The following PAPOLG variants were observed in gnomAD, a reference collection of about 807,000 sequenced individuals.
PAPOLG encodes PAP-gamma.
A neutral mutation model predicts 99.0 loss-of-function variants in PAPOLG; 40 were observed. The ratio of observed to expected loss-of-function variants is 0.40; its 90% CI spans 0.31 to 0.53. The LOEUF (loss-of-function observed/expected upper bound fraction) is 0.53, where lower values mean the gene tolerates loss of function less well. Ranked by LOEUF, PAPOLG falls within the 20% of genes least tolerant of loss-of-function variation. The probability of loss-of-function intolerance (pLI) is 0.41; values close to 1 mark genes in which losing one functional copy is unlikely to be tolerated. For synonymous variants in PAPOLG, 310 were observed against 299.3 expected (o/e 1.04, Z -0.37); for missense variants, 675 against 884.1 (o/e 0.76, Z 3.00).
At chr2:60,773,519 TA>T (rs1670919168) in intron 7 of PAPOLG, among the ~76,000 whole-genome samples, 1 of 152,222 alleles carries the variant, frequency 6.6e-6, no homozygotes, top group Non-Finnish European at 1.5e-5. Flanking sequence ...GTATGGAATC[TA>T]AAATCATATC....
chr2:60,781,218 G>A (rs1485562802), intron 10 of PAPOLG, among the ~76,000 whole-genome samples: 8 of 152,060 alleles, frequency 5.3e-5, no homozygotes, highest in South Asian at 2.1e-4. Context: ...TTAGCCGGGC[G>A]TGGTGGTGCA....
At chr2:60,763,412 C>T (rs997958063) in intron 3 of PAPOLG, among the ~76,000 whole-genome samples, 1 of 151,868 alleles carries the variant, frequency 6.6e-6, no homozygotes, top group Non-Finnish European at 1.5e-5. Flanking sequence ...ATGGCTTTTT[C>T]CCCCCAGTAT....
Position 60,756,317 on chromosome 2 carries a change from G to GT in PAPOLG, c.-158dup. Reference sequence around the variant, plus strand: ...TCATAAATAGAGCCGGTTTTGTGGTGTTTTCACTACTCGGTTGGATGCCTC... The same window carrying GT: ...TCATAAATAGAGCCGGTTTTGTGGTGTTTTTCACTACTCGGTTGGATGCCTC... On this transcript the variant is annotated 5_prime_UTR_variant, in exon 1 of 22. Coordinates refer to ENST00000238714, the MANE Select transcript of PAPOLG (RefSeq NM_022894.4). 1 of 838,052 alleles carries GT rather than the reference G, an allele frequency of 1.2e-6. No individual in the cohort carries two copies. The highest frequency in any genetic ancestry group is 2.1e-5 in the Admixed American group (1 of 47,040). The allele number at this position is 838,052 out of a possible 1,614,324, so 51.9% of individuals were successfully genotyped here.
At chr2:60,764,028 C>A (rs1670599332) in intron 3 of PAPOLG, among the ~76,000 whole-genome samples, 1 of 152,186 alleles carries the variant, frequency 6.6e-6, no homozygotes, top group African/African-American at 2.4e-5. Context: ...GTCTCGAACT[C>A]CTGACCTCAA....
intron 5 of PAPOLG, among the ~76,000 whole-genome samples, chr2:60,769,570 G>A (rs1249720670): frequency 6.6e-6 from 1 of 152,098 alleles, no homozygotes; most frequent in African/African-American, 2.4e-5. Context: ...GGGAGTTAAG[G>A]AAGACTCAGA....
At chr2:60,775,294 A>G (rs1317679767) in intron 8 of PAPOLG, among the ~76,000 whole-genome samples, 171 bp downstream of exon 8, 1 of 152,206 alleles carries the variant, frequency 6.6e-6, no homozygotes, top group African/African-American at 2.4e-5. Flanking sequence ...GTGTTTTGAT[A>G]AGTAGTATAC....
chr2:60,793,924 A>G lies in PAPOLG; in HGVS notation c.1769-47A>G, dbSNP rs76732093. 4.8e-5 allele frequency: 75 copies of G among 1,568,620 alleles called. No individual in the cohort carries two copies. The East Asian group carries it at 1.6e-3, about 34-fold the overall frequency. ...GAGAGACCCTGTCTCAAGGAAAAAA[A>G]AATTACATAAATGTTTAATTATTAA... On this transcript the variant is annotated intron_variant, in intron 18 of 21. Transcript: ENST00000238714.
chr2:60,768,648 C>G lies in PAPOLG; in HGVS notation c.328+97C>G, dbSNP rs1380392248. 2.6e-5 allele frequency: 34 copies of G among 1,332,400 alleles called. No homozygotes were observed. The Admixed American group carries it at 2.6e-4, about 10-fold the overall frequency. 82.5% of individuals were successfully genotyped at this position (1,332,400 alleles called of 1,614,324 possible). ...GAACAAAGTTCCCACTATTTCACTA[C>G]TTAGAGCTAATCATTGTTAACATTT... On this transcript the variant is annotated intron_variant, in intron 4 of 21. Transcript: ENST00000238714.
chr2:60,783,324 C>CCT, intron 13 of PAPOLG, 115 bp downstream of exon 13: 1 of 157,946 alleles, frequency 6.3e-6, no homozygotes, highest in Non-Finnish European at 1.1e-5. Flanking sequence ...TATTATATCT[C>CCT]TTTTTTTTTT....
intron 3 of PAPOLG, among the ~76,000 whole-genome samples, chr2:60,762,213 T>C (rs908262903): frequency 6.6e-6 from 1 of 152,170 alleles, no homozygotes; most frequent in Non-Finnish European, 1.5e-5. Flanking sequence ...CTGTTTTCTT[T>C]GCAAGGTGAT....
chr2:60,801,023 G>A lies in PAPOLG; in HGVS notation c.*3863G>A, dbSNP rs1202983688. ...ATCTCAGATTTACAGATGGCCTCAT[G>A]ATAACTTAGATTCGTTAACAGGGTC... On this transcript the variant is annotated 3_prime_UTR_variant, in exon 22 of 22. Coordinates refer to ENST00000238714, the MANE Select transcript of PAPOLG (RefSeq NM_022894.4). The A allele has an allele frequency of 1.3e-5, 2 of 152,394 alleles. No homozygotes were observed. Among genetic ancestry groups the A allele is most frequent in the East Asian group, 3.8e-4 (2 of 5,330 alleles). The allele number at this position is 152,394 out of a possible 1,614,324, so 9.4% of individuals were successfully genotyped here. A position where few individuals can be genotyped will look rare whatever the true frequency, so the allele number is the denominator to read the frequency against.
At chr2:60,786,526 T>C (rs1316541352) in intron 13 of PAPOLG, among the ~76,000 whole-genome samples, 1 of 149,848 alleles carries the variant, frequency 6.7e-6, no homozygotes, top group Non-Finnish European at 1.5e-5. Flanking sequence ...CCACTGCACC[T>C]GGCCTGAAAT....
rs750014377 is a variant in PAPOLG at position 60,760,332 on chromosome 2, A to G, written c.179+37A>G. ...AAAACCATAAAATATTTGACAGTGCATTATTTAATCATTAATTCTGCGAAC... is the reference window on the plus strand; with the variant it reads ...AAAACCATAAAATATTTGACAGTGCGTTATTTAATCATTAATTCTGCGAAC... On this transcript the variant is annotated intron_variant, in intron 2 of 21. Transcript: ENST00000238714. 15 of 1,542,994 alleles carry G rather than the reference A, an allele frequency of 9.7e-6. 1 individual carries two copies. The South Asian group carries it at 1.7e-4, about 17-fold the overall frequency.
rs1050879376 is a variant in PAPOLG at position 60,776,237 on chromosome 2, TC to T, written c.694+1115del. Among the ~76,000 whole-genome samples, 18 of 151,912 alleles carry T rather than the reference TC, an allele frequency of 1.2e-4. 1 individual carries two copies. The highest frequency in any genetic ancestry group is 2.5e-4 in the Non-Finnish European group (17 of 67,988). ...AAGAGCAGTCCTACTTAGAAAGGAATCTTTTTTTTTTCTGAGCAGTAGATCT... is the reference window on the plus strand; with the variant it reads ...AAGAGCAGTCCTACTTAGAAAGGAATTTTTTTTTTTCTGAGCAGTAGATCT... On this transcript the variant is annotated intron_variant, in intron 8 of 21. Transcript: ENST00000238714.
chr2:60,790,008 C>T (rs1314875974), intron 15 of PAPOLG, among the ~76,000 whole-genome samples: 2 of 152,132 alleles, frequency 1.3e-5, no homozygotes, highest in Non-Finnish European at 2.9e-5. Context: ...GCAGGAGAAT[C>T]GCTTGAACCT....
At chr2:60,762,173 C>G (rs1670539119) in intron 3 of PAPOLG, among the ~76,000 whole-genome samples, 1 of 152,124 alleles carries the variant, frequency 6.6e-6, no homozygotes, top group South Asian at 2.1e-4. Flanking sequence ...GGGCTCCTGT[C>G]TTCCATTGCC....
intron 8 of PAPOLG, 150 bp downstream of exon 8, chr2:60,775,273 C>G (rs770065249): frequency 2.4e-5 from 24 of 989,572 alleles, no homozygotes; most frequent in Non-Finnish European, 3.4e-5. Flanking sequence ...TTTTCAAGTA[C>G]AGTGGTTATG....
chr2:60,790,533 G>C (rs1018627245), intron 15 of PAPOLG, among the ~76,000 whole-genome samples: 1 of 152,110 alleles, frequency 6.6e-6, no homozygotes, highest in South Asian at 2.1e-4. Flanking sequence ...AAAACATTAA[G>C]ACATTTGTGT....
chr2:60,780,840 TAC>T, intron 10 of PAPOLG, 61 bp downstream of exon 10: 7 of 1,305,482 alleles, frequency 5.4e-6, no homozygotes, highest in Non-Finnish European at 7.8e-6. Flanking sequence ...TTCACTAAAT[TAC>T]AGTCTAGTTA....
Sources: allele counts gnomAD v4.1 joint callset (sites outside exome capture counted in the v4.1 genomes callset), GRCh38; gene constraint gnomAD v4.1.1; transcripts MANE v1.5; gene names NCBI Gene and HGNC (gene_info 2026-07-23, HGNC 2026-07-21).